Variants in ASCC1 observed in about 807,000 individuals in gnomAD.
ASCC1 encodes ASC-1 complex subunit P50.
A neutral mutation model predicts 46.6 loss-of-function variants in ASCC1; 35 were observed. The observed-to-expected ratio is 0.75, with a 90% confidence interval of 0.57 to 0.99. The LOEUF (loss-of-function observed/expected upper bound fraction) is 0.99. Among genes scored for constraint, ASCC1 ranks in the 50% least tolerant of loss-of-function variants. ASCC1 has a pLI of 0.00. For synonymous variants in ASCC1, 143 were observed against 146.6 expected (o/e 0.98, Z 0.18); for missense variants, 376 against 428.7 (o/e 0.88, Z 1.09).
At chr10:72,189,372 C>T (rs1037122173) in intron 5 of ASCC1, among the ~76,000 whole-genome samples, 5 of 151,816 alleles carry the variant, frequency 3.3e-5, no homozygotes, top group African/African-American at 1.2e-4. Flanking sequence ...CGAGCCACTG[C>T]ACTCTAGCCT....
intron 9 of ASCC1, among the ~76,000 whole-genome samples, chr10:72,120,429 A>G (rs1157928833): frequency 6.6e-6 from 1 of 152,054 alleles, no homozygotes; most frequent in African/African-American, 2.4e-5. Context: ...ACTGTGGTAC[A>G]ACTACGAAAG....
intron 9 of ASCC1, chr10:72,102,960 G>T (rs1232408452): frequency 2.2e-6 from 1 of 447,252 alleles, no homozygotes; most frequent in Non-Finnish European, 4.5e-6. Flanking sequence ...GGGCAACAAG[G>T]CAAAGCTCTG....
chr10:72,158,847 G>A (rs1564666937), intron 6 of ASCC1: 1 of 152,144 alleles, frequency 6.6e-6, no homozygotes, highest in African/African-American at 2.4e-5. Flanking sequence ...GGTTAGAAAT[G>A]CCATTATTTA....
chr10:72,121,051 C>T (rs1844137284), intron 9 of ASCC1, among the ~76,000 whole-genome samples: 1 of 152,054 alleles, frequency 6.6e-6, no homozygotes. Context: ...CATCAATGGT[C>T]TAAATACACC....
intron 8 of ASCC1, among the ~76,000 whole-genome samples, chr10:72,131,059 T>A (rs1414437047): frequency 6.6e-6 from 1 of 152,190 alleles, no homozygotes; most frequent in African/African-American, 2.4e-5. Flanking sequence ...CTGGACAAGC[T>A]GCATTATAAT....
rs537142073 is a variant in ASCC1, at chr10:72,214,468, C to T, written c.-33-1137G>A. ...TCAGCTCACTGCAACCTCTGCCTCCCGGGTTTAAGCGATTCTCCTGCCTCA... is the reference window on the plus strand; with the variant it reads ...TCAGCTCACTGCAACCTCTGCCTCCTGGGTTTAAGCGATTCTCCTGCCTCA... On this transcript the variant is annotated intron_variant, in intron 1 of 9. Transcript: ENST00000672957. Among the ~76,000 whole-genome samples, 384 of 150,288 alleles carry T rather than the reference C, an allele frequency of 2.6e-3. 2 individuals are homozygous for T. The highest frequency in any genetic ancestry group is 6.8e-3 in the Middle Eastern group (2 of 292).
chr10:72,133,535 A>G (rs1845843812), intron 7 of ASCC1: 2 of 311,604 alleles, frequency 6.4e-6, no homozygotes, highest in Non-Finnish European at 1.2e-5. Flanking sequence ...CACTTCAAGT[A>G]GAAGAAGAAA....
chr10:72,179,799 G>GA (rs1199395640), intron 5 of ASCC1, among the ~76,000 whole-genome samples: 1 of 152,088 alleles, frequency 6.6e-6, no homozygotes, highest in Non-Finnish European at 1.5e-5. Context: ...TCAATTGAGT[G>GA]AATAAAAACA....
chr10:72,142,935 G>T (rs1174697105), intron 7 of ASCC1, among the ~76,000 whole-genome samples: 1 of 712 alleles, frequency 1.4e-3, no homozygotes, highest in Non-Finnish European at 2.4e-3. Context: ...GGCTGAGGTG[G>T]GTGGATCACG....
intron 9 of ASCC1, among the ~76,000 whole-genome samples, chr10:72,123,283 G>A (rs1844437564): frequency 6.6e-6 from 1 of 150,994 alleles, no homozygotes; most frequent in South Asian, 2.1e-4. Context: ...AGCTTGCAGT[G>A]AGCCGGGATC....
At chr10:72,154,772 G>A (rs1022667379) in intron 6 of ASCC1, among the ~76,000 whole-genome samples, 17 of 152,234 alleles carry the variant, frequency 1.1e-4, no homozygotes, top group African/African-American at 4.8e-5. Context: ...GATTACAGGC[G>A]TGAGCCACTG....
intron 7 of ASCC1, among the ~76,000 whole-genome samples, chr10:72,138,855 C>T (rs1410133338): frequency 2.6e-5 from 4 of 151,522 alleles, no homozygotes; most frequent in Non-Finnish European, 4.4e-5. Context: ...CGTGAGCCAC[C>T]GCGCTCGGCT....
chr10:72,100,502 C>T (rs1477854146), intron 9 of ASCC1, among the ~76,000 whole-genome samples: 2 of 151,758 alleles, frequency 1.3e-5, no homozygotes, highest in Admixed American at 1.3e-4. Context: ...GCTGGGATTA[C>T]AGGCATGAGC....
At position 72,157,167 on chromosome 10, in the gene ASCC1, C is replaced by CT. The variant is rs1849084107; in HGVS notation, c.627-4180_627-4179insA. Among the ~76,000 whole-genome samples, 3 of 152,124 alleles carry CT rather than the reference C, an allele frequency of 2.0e-5. No individual in the cohort carries two copies. The East Asian group carries it at 5.8e-4, about 29-fold the overall frequency. On this transcript the variant is annotated intron_variant, in intron 6 of 9. Coordinates refer to ENST00000672957, the MANE Select transcript of ASCC1 (RefSeq NM_001198800.3). The stretch of plus-strand genomic sequence containing the variant: ...TGATCATAATAAGTCTTCCTATAGC[C>CT]ACCTCTAATAAGAAGTGAAATGTTT...
intron 5 of ASCC1, chr10:72,190,678 T>G (rs1372001363): frequency 1.2e-5 from 8 of 658,410 alleles, no homozygotes; most frequent in Non-Finnish European, 2.0e-5. Context: ...GCAAATTATT[T>G]AATGAATGCT....
chr10:72,100,220 TTGTTA>T (rs777849335), intron 9 of ASCC1, among the ~76,000 whole-genome samples: 1 of 151,714 alleles, frequency 6.6e-6, no homozygotes, highest in Non-Finnish European at 1.5e-5. Flanking sequence ...TGCTTAGTTA[TTGTTA>T]TATCTTTTTT....
chr10:72,136,997 G>A (rs969491908), intron 7 of ASCC1, among the ~76,000 whole-genome samples: 3 of 152,122 alleles, frequency 2.0e-5, no homozygotes, highest in African/African-American at 4.8e-5. Context: ...ACGAGGGTCC[G>A]CGGCCTCATT....
chr10:72,200,466 T>C (rs11000215), intron 4 of ASCC1, among the ~76,000 whole-genome samples: 20,768 of 151,880 alleles, frequency 0.14, 4,051 homozygotes, highest in African/African-American at 0.43. Flanking sequence ...CTGATCAACA[T>C]GGAGAAACCC....
intron 5 of ASCC1, among the ~76,000 whole-genome samples, chr10:72,191,217 C>T (rs1346812196): frequency 1.3e-5 from 2 of 149,100 alleles, no homozygotes; most frequent in African/African-American, 5.0e-5. Flanking sequence ...GCCACCATGC[C>T]CAGCTAATTT....
Sources: gnomAD v4.1 joint callset for allele counts (sites outside exome capture counted in the v4.1 genomes callset) on GRCh38, gnomAD v4.1.1 for gene constraint, MANE v1.5 for transcripts, NCBI Gene and HGNC (gene_info 2026-07-23, HGNC 2026-07-21) for gene names.